Variants in TMEM117 observed in about 807,000 individuals in gnomAD.
TMEM117 encodes the protein transmembrane protein 117.
A neutral mutation model predicts 52.4 loss-of-function variants in TMEM117; 27 were observed. That is an observed-to-expected ratio of 0.51 (90% CI 0.38 to 0.71). TMEM117 has a LOEUF of 0.71. Among genes scored for constraint, TMEM117 ranks in the 30% least tolerant of loss-of-function variants. The pLI is 0.00. For missense variants in TMEM117, 556 were observed against 630.5 expected (o/e 0.88, Z 1.26); for synonymous variants, 215 against 206.3 (o/e 1.04, Z -0.36).
chr12:44,294,161 G>A (rs1950739028), intron 5 of TMEM117, among the ~76,000 whole-genome samples: 1 of 152,064 alleles, frequency 6.6e-6, no homozygotes, highest in Admixed American at 6.5e-5. Context: ...TTATGGAGAT[G>A]TTCACCAATA....
chr12:43,984,232 G>C (rs1945808070), intron 3 of TMEM117, among the ~76,000 whole-genome samples: 1 of 152,148 alleles, frequency 6.6e-6, no homozygotes, highest in Non-Finnish European at 1.5e-5. Flanking sequence ...GTCAGGTGCA[G>C]TGGTACACGT....
intron 3 of TMEM117, among the ~76,000 whole-genome samples, chr12:43,956,067 G>T (rs1241533391): frequency 6.6e-6 from 1 of 152,170 alleles, no homozygotes; most frequent in African/African-American, 2.4e-5. Context: ...AATAAATGGT[G>T]CTGGGAGAAC....
intron 3 of TMEM117, among the ~76,000 whole-genome samples, chr12:44,020,113 T>TA (rs1946434424): frequency 1.3e-5 from 2 of 152,326 alleles, no homozygotes; most frequent in South Asian, 2.1e-4. Flanking sequence ...AAACCAGGAT[T>TA]AAAAAATCCC....
chr12:43,823,667 C>T, the TMEM117 span, among the ~76,000 whole-genome samples: 1 of 152,102 alleles, frequency 6.6e-6, no homozygotes, highest in African/African-American at 2.4e-5. Context: ...GCACGCGCCA[C>T]CACACCCAGC....
intron 4 of TMEM117, among the ~76,000 whole-genome samples, chr12:44,185,332 A>C (rs1949262470): frequency 6.6e-6 from 1 of 152,138 alleles, no homozygotes; most frequent in South Asian, 2.1e-4. Flanking sequence ...TCCATCACGA[A>C]AATTAGATAA....
chr12:44,330,120 A>G (rs1951249145), intron 6 of TMEM117, among the ~76,000 whole-genome samples: 1 of 152,004 alleles, frequency 6.6e-6, no homozygotes, highest in Admixed American at 6.6e-5. Flanking sequence ...GTCAATGCAC[A>G]AGGGTTCCAA....
intron 3 of TMEM117, among the ~76,000 whole-genome samples, chr12:43,957,047 G>T (rs1945319896): frequency 6.6e-6 from 1 of 152,090 alleles, no homozygotes; most frequent in Admixed American, 6.6e-5. Flanking sequence ...GCAAACTAAT[G>T]CAGGAACAGA....
At chr12:43,884,427 G>A (rs1943954637) in intron 2 of TMEM117, among the ~76,000 whole-genome samples, 1 of 152,096 alleles carries the variant, frequency 6.6e-6, no homozygotes, top group African/African-American at 2.4e-5. Context: ...TAGATTTATA[G>A]TATTTGTTTT....
intron 5 of TMEM117, among the ~76,000 whole-genome samples, chr12:44,285,911 A>G (rs771236460): frequency 6.6e-6 from 1 of 152,188 alleles, no homozygotes; most frequent in Non-Finnish European, 1.5e-5. Flanking sequence ...TTTTTTTCTC[A>G]TGAACAACAT....
At chr12:44,351,251 T>G (rs1052529133) in intron 6 of TMEM117, among the ~76,000 whole-genome samples, 1 of 152,028 alleles carries the variant, frequency 6.6e-6, no homozygotes, top group Non-Finnish European at 1.5e-5. Flanking sequence ...TATATTTTGG[T>G]TATTAATCCC....
At chr12:44,222,753 G>A (rs1949805531) in intron 5 of TMEM117, among the ~76,000 whole-genome samples, 1 of 152,102 alleles carries the variant, frequency 6.6e-6, no homozygotes, top group South Asian at 2.1e-4. Flanking sequence ...TGATATAGTA[G>A]CTCTGAGATG....
chr12:44,114,787 T>G (rs1021359670), intron 3 of TMEM117, among the ~76,000 whole-genome samples: 5 of 152,180 alleles, frequency 3.3e-5, no homozygotes, highest in Admixed American at 2.6e-4. Flanking sequence ...ACATTATTCT[T>G]CTGTGCGTTT....
At chr12:43,963,975 A>G (rs980187082) in intron 3 of TMEM117, among the ~76,000 whole-genome samples, 1 of 152,188 alleles carries the variant, frequency 6.6e-6, no homozygotes, top group African/African-American at 2.4e-5. Flanking sequence ...ACTTAAAACT[A>G]ATATGTATCA....
chr12:44,299,679 A>G lies in TMEM117; in HGVS notation c.708A>G (p.Glu236=), dbSNP rs1185095400. Residue 236 remains glutamate, a synonymous_variant, in exon 6 of 8, where the codon GAA becomes GAG. Coordinates refer to ENST00000266534, the MANE Select transcript of TMEM117 (RefSeq NM_032256.3). Reference sequence around the variant, plus strand: ...ATCGGGGATTTTTGCCCAGTGATGAAGTTTCCAGAGCATTCCTTGCTTCTT... The same window carrying G: ...ATCGGGGATTTTTGCCCAGTGATGAGGTTTCCAGAGCATTCCTTGCTTCTT... ...KLNRGFLPSD[E]VSRAFLASFI... is the part of the protein sequence containing the mutation. 23 of 1,614,044 alleles carry G rather than the reference A, an allele frequency of 1.4e-5. No individual in the cohort carries two copies. Among genetic ancestry groups the G allele is most frequent in the Non-Finnish European group, 1.9e-5 (22 of 1,180,024 alleles).
At chr12:44,078,942 T>TA (rs1947431432) in intron 3 of TMEM117, among the ~76,000 whole-genome samples, 1 of 145,400 alleles carries the variant, frequency 6.9e-6, no homozygotes, top group African/African-American at 2.5e-5. Flanking sequence ...AACTCCCACT[T>TA]ATAAGTGAGA....
At chr12:43,813,231 G>GTTTTTTTT in the TMEM117 span, among the ~76,000 whole-genome samples, 12 of 62,666 alleles carry the variant, frequency 1.9e-4, 3 homozygotes, top group African/African-American at 4.7e-4. Flanking sequence ...GTTTTCTCTT[G>GTTTTTTTT]TTTTTTTTTT....
At chr12:44,146,253 C>T (rs576552652) in intron 4 of TMEM117, among the ~76,000 whole-genome samples, 5 of 152,206 alleles carry the variant, frequency 3.3e-5, no homozygotes, top group African/African-American at 9.6e-5. Flanking sequence ...GTCTGGCTGA[C>T]CTTCATAGTT....
chr12:43,815,405 C>T, the TMEM117 span, among the ~76,000 whole-genome samples: 1 of 152,186 alleles, frequency 6.6e-6, no homozygotes, highest in East Asian at 1.9e-4. Flanking sequence ...CTCACCAACA[C>T]CAGTTGTCTT....
intron 3 of TMEM117, among the ~76,000 whole-genome samples, chr12:44,074,237 C>T (rs74716503): frequency 0.013 from 1,993 of 152,184 alleles, 40 homozygotes; most frequent in African/African-American, 0.044. Context: ...TCATCCAAAA[C>T]GGGACACTTC....
Sources: gnomAD v4.1 joint callset for allele counts (sites outside exome capture counted in the v4.1 genomes callset) on GRCh38, gnomAD v4.1.1 for gene constraint, MANE v1.5 for transcripts, NCBI Gene and HGNC (gene_info 2026-07-23, HGNC 2026-07-21) for gene names.